Variants in LGALS12 observed in about 807,000 individuals in gnomAD.
LGALS12 encodes the protein galectin 12, also known as galectin-12.
A neutral mutation model predicts 36.8 loss-of-function variants in LGALS12; 36 were observed. The ratio of observed to expected loss-of-function variants is 0.98; its 90% CI spans 0.75 to 1.29. The LOEUF (loss-of-function observed/expected upper bound fraction) is 1.29, where lower values mean the gene tolerates loss of function less well. Ranked by LOEUF, LGALS12 falls within the 50% of genes most tolerant of loss-of-function variation. The pLI, the probability that LGALS12 is intolerant of heterozygous loss-of-function variation, is 0.00. For missense variants in LGALS12, 366 were observed against 394.3 expected (o/e 0.93, Z 0.61); for synonymous variants, 145 against 155.9 (o/e 0.93, Z 0.52).
chr11:63,513,779 T>C (rs2016995538), intron 7 of LGALS12, among the ~76,000 whole-genome samples: 2 of 152,162 alleles, frequency 1.3e-5, no homozygotes, highest in African/African-American at 4.8e-5. Flanking sequence ...CTCCTCGTTA[T>C]TGAGTGGGAG....
intron 4 of LGALS12, among the ~76,000 whole-genome samples, chr11:63,510,124 T>C (rs1261565663): frequency 6.6e-6 from 1 of 152,176 alleles, no homozygotes; most frequent in Non-Finnish European, 1.5e-5. Context: ...GGCAGGAGTC[T>C]GTAACCAGTG....
In LGALS12 at chr11:63,515,719, T is replaced by C. The variant is rs1479297090; in HGVS notation, c.798+6T>C. The C allele has an allele frequency of 3.1e-6, 5 of 1,613,522 alleles. No individual in the cohort carries two copies. The African/African-American group carries it at 6.7e-5, about 22-fold the overall frequency. ...ACCCCCAGAGATTCTTTGAGGTAGG[T>C]CAGAGCCAAATGATTACATCCCTTC... On this transcript the variant is annotated splice_donor_region_variant and intron_variant, in intron 8 of 8. Coordinates refer to ENST00000394618, the MANE Select transcript of LGALS12 (RefSeq NM_033101.4).
In LGALS12 at chr11:63,515,711, G is replaced by T. The variant is rs752174342; in HGVS notation, c.796G>T (p.Glu266Ter). 7 of 1,614,016 alleles carry T rather than the reference G, an allele frequency of 4.3e-6. No individual in the cohort carries two copies. Among genetic ancestry groups the T allele is most frequent in the Non-Finnish European group, 5.1e-6 (6 of 1,179,964 alleles). ...CCTCTTTTACCCCCAGAGATTCTTT[G>T]AGGTAGGTCAGAGCCAAATGATTAC... ...PFLFYPQRFF[E>*]VLLLFQEGGL... The change falls in exon 8 of 9, where the codon GAG becomes TAG. Residue 266 changes from glutamate (E) to a stop codon, truncating the protein, a stop_gained and splice_region_variant. Transcript: ENST00000394618. LOFTEE classifies it high-confidence loss of function.
In LGALS12 at chr11:63,511,761, T is replaced by A. The variant is rs751681469; in HGVS notation, c.568T>A (p.Cys190Ser). 6.2e-7 allele frequency: 1 copy of A among 1,613,224 alleles called. No individual in the cohort carries two copies. Among genetic ancestry groups the A allele is most frequent in the Middle Eastern group, 1.7e-4 (1 of 6,058 alleles). The change falls in exon 7 of 9, where the codon TGC becomes AGC. Residue 190 changes from cysteine to serine, a missense_variant. Cys to Ser is a moderately radical substitution (Grantham distance 112). Transcript: ENST00000394618. ...LLMSPRLEVPCSHALPQGLSP... is the reference protein window; with the variant it reads ...LLMSPRLEVPSSHALPQGLSP... ...TCCCTTGTTCCTTCAGGAGGTGCCC[T>A]GCTCACATGCTCTTCCCCAGGGTCT...
At chr11:63,515,215 A>C (rs905885198) in intron 7 of LGALS12, among the ~76,000 whole-genome samples, 1 of 152,234 alleles carries the variant, frequency 6.6e-6, no homozygotes, top group African/African-American at 2.4e-5. Context: ...GTTAGCATTC[A>C]ATAAATGTTA....
intron 5 of LGALS12, 126 bp downstream of exon 5, chr11:63,510,627 G>T: frequency 2.3e-6 from 2 of 874,998 alleles, no homozygotes; most frequent in Non-Finnish European, 3.6e-6. Flanking sequence ...GGACATGGCT[G>T]GCTCTGCTTC....
In LGALS12 at chr11:63,511,779, C is replaced by T. The variant is rs780511678; in HGVS notation, c.586C>T (p.Gln196Ter). Residue 196 changes from glutamine (Q) to a stop codon, truncating the protein, a stop_gained, in exon 7 of 9, where the codon CAG becomes TAG. Transcript: ENST00000394618. LOFTEE classifies it high-confidence loss of function. ...LEVPCSHALP[Q>*]GLSPGQVIIV... ...GGTGCCCTGCTCACATGCTCTTCCC[C>T]AGGGTCTCTCGCCTGGGCAGGTCAT... The T allele has an allele frequency of 3.1e-6, 5 of 1,613,598 alleles. No homozygotes were observed. Among genetic ancestry groups the T allele is most frequent in the East Asian group, 2.2e-5 (1 of 44,898 alleles).
At chr11:63,509,656 A>C in intron 3 of LGALS12, 122 bp from the exon 4 acceptor site, 8 of 963,470 alleles carry the variant, frequency 8.3e-6, no homozygotes, top group Non-Finnish European at 1.3e-5. Context: ...CCTACCTCAT[A>C]GAGATGACGT....
chr11:63,513,267 T>C (rs2016981342), intron 7 of LGALS12, among the ~76,000 whole-genome samples: 1 of 152,208 alleles, frequency 6.6e-6, no homozygotes, highest in South Asian at 2.1e-4. Flanking sequence ...CTTGGAGGCA[T>C]GAGACCGGGT....
chr11:63,508,199 G>A lies in LGALS12; in HGVS notation c.70-354G>A, dbSNP rs894592325. ...ACTCAACAGTCCTCAGAAAGCCCCA[G>A]TACCAGGCTTCTGGGGACCAGGGTG... is the stretch of plus-strand genomic sequence containing the variant. On this transcript the variant is annotated intron_variant, in intron 1 of 8. Transcript: ENST00000394618. 9 of 1,142,036 alleles carry A rather than the reference G, an allele frequency of 7.9e-6. No individual in the cohort carries two copies. The East Asian group carries it at 1.9e-4, about 24-fold the overall frequency. The allele number at this position is 1,142,036 out of a possible 1,614,324, so 70.7% of individuals were successfully genotyped here. A position where few individuals can be genotyped will look rare whatever the true frequency, so the allele number is the denominator to read the frequency against.
At chr11:63,511,966 CAG>C (rs1418364533) in intron 7 of LGALS12, 126 bp downstream of exon 7, 2 of 728,428 alleles carry the variant, frequency 2.7e-6, no homozygotes, top group Admixed American at 2.1e-5. Context: ...GATGAGGAAA[CAG>C]AGGAGCAGAA....
intron 1 of LGALS12, 103 bp downstream of exon 1, chr11:63,506,630 C>G: frequency 3.4e-6 from 5 of 1,472,198 alleles, no homozygotes; most frequent in Non-Finnish European, 4.7e-6. Context: ...CTCAGTCTTT[C>G]TGCTTCTCCC....
rs768819711 is a variant in LGALS12, at chr11:63,516,329, C to A, written c.881C>A (p.Ala294Asp). The A allele has an allele frequency of 1.2e-6, 2 of 1,613,446 alleles. No homozygotes were observed. Among genetic ancestry groups the A allele is most frequent in the South Asian group, 2.2e-5 (2 of 91,048 alleles). Residue 294 changes from alanine to aspartate, a missense_variant, in exon 9 of 9, where the codon GCC (alanine) becomes GAC (aspartate). Coordinates refer to ENST00000394618, the MANE Select transcript of LGALS12 (RefSeq NM_033101.4). Reference sequence around the variant, plus strand: ...GGGGCCACCAGCATGAACCAGCAGGCCCTGGAGCAGCTGCGGGAGCTCCGG... The same window carrying A: ...GGGGCCACCAGCATGAACCAGCAGGACCTGGAGCAGCTGCGGGAGCTCCGG... ...GLGATSMNQQALEQLRELRIS... is the reference protein window; with the variant it reads ...GLGATSMNQQDLEQLRELRIS...
chr11:63,508,004 G>A (rs2016794152), intron 1 of LGALS12: 1 of 989,600 alleles, frequency 1.0e-6, no homozygotes, highest in South Asian at 4.6e-5. Context: ...TTCCCAGAGT[G>A]CTGAGATTAC....
chr11:63,507,536 T>TGAGCAAAA (rs2016776429), intron 1 of LGALS12, among the ~76,000 whole-genome samples: 1 of 152,092 alleles, frequency 6.6e-6, no homozygotes, highest in Non-Finnish European at 1.5e-5. Context: ...CCAGTCGCTC[T>TGAGCAAAA]AAGCCAAGGG....
Position 63,515,606 on chromosome 11 carries a change from A to T in LGALS12, c.691A>T (p.Thr231Ser). The T allele has an allele frequency of 6.2e-7, 1 of 1,614,218 alleles. No homozygotes were observed. The highest frequency in any genetic ancestry group is 8.5e-7 in the Non-Finnish European group (1 of 1,180,026). Reference protein sequence around the residue: ...LRDQAAHAPVTLRASFADRTL... With the variant: ...LRDQAAHAPVSLRASFADRTL... ...GGACCAGGCTGCCCATGCTCCTGTG[A>T]CACTCAGGGCCTCCTTCGCAGACAG... Residue 231 changes from threonine (T) to serine (S), a missense_variant, in exon 8 of 9, where the codon ACA (threonine) becomes TCA (serine). Physicochemically the swap from Thr to Ser is moderately conservative, Grantham distance 58. Coordinates refer to ENST00000394618, the MANE Select transcript of LGALS12 (RefSeq NM_033101.4).
chr11:63,511,961 G>C lies in LGALS12; in HGVS notation c.647+121G>C, dbSNP rs987624649. 9.4e-6 allele frequency: 7 copies of C among 742,698 alleles called. No individual in the cohort carries two copies. In the African/African-American group the frequency reaches 1.0e-4, roughly 11 times the overall value. The allele number at this position is 742,698 out of a possible 1,614,324, so 46.0% of individuals were successfully genotyped here. A position where few individuals can be genotyped will look rare whatever the true frequency, so the allele number is the denominator to read the frequency against. On this transcript the variant is annotated intron_variant, in intron 7 of 8. Coordinates refer to ENST00000394618, the MANE Select transcript of LGALS12 (RefSeq NM_033101.4). ...CATTTAATCCCCATTTTACAGATGA[G>C]GAAACAGAGGAGCAGAAAGGAGAAG...
In LGALS12 at chr11:63,506,428, G is replaced by C; in HGVS notation, c.-31G>C. 1 of 1,614,240 alleles carries C rather than the reference G, an allele frequency of 6.2e-7. No homozygotes were observed. Among genetic ancestry groups the C allele is most frequent in the Non-Finnish European group, 8.5e-7 (1 of 1,180,034 alleles). ...CCAGTGGGGGCAGGGCTCCTGGAAC[G>C]AGGATCTACAGTTGGAGTTGCCCCA... On this transcript the variant is annotated 5_prime_UTR_variant, in exon 1 of 9. Transcript: ENST00000394618.
chr11:63,512,519 G>T lies in LGALS12; in HGVS notation c.647+679G>T, dbSNP rs144853164. Reference sequence around the variant, plus strand: ...AAGAAGGGGATGATAGGCCGGGCGCGGTGGCTCACACCTATAATCCCAGCA... The same window carrying T: ...AAGAAGGGGATGATAGGCCGGGCGCTGTGGCTCACACCTATAATCCCAGCA... On this transcript the variant is annotated intron_variant, in intron 7 of 8. Transcript: ENST00000394618. Among the ~76,000 whole-genome samples, 2 of 152,122 alleles carry T rather than the reference G, an allele frequency of 1.3e-5. 1 individual carries two copies. Among genetic ancestry groups the T allele is most frequent in the Non-Finnish European group, 2.9e-5 (2 of 68,018 alleles).
Sources: gnomAD v4.1 joint callset for allele counts (sites outside exome capture counted in the v4.1 genomes callset) on GRCh38, gnomAD v4.1.1 for gene constraint, MANE v1.5 for transcripts, NCBI Gene and HGNC (gene_info 2026-07-23, HGNC 2026-07-21) for gene names.